Variants in SNTG2 observed in about 807,000 individuals in gnomAD.
SNTG2 encodes the protein gamma-2-syntrophin.
In SNTG2, 74 loss-of-function variants were observed where a neutral mutation model predicts 70.9. The ratio of observed to expected loss-of-function variants is 1.04; its 90% CI spans 0.86 to 1.27. The LOEUF (loss-of-function observed/expected upper bound fraction) is 1.27, where lower values mean the gene tolerates loss of function less well. Among genes scored for constraint, SNTG2 ranks in the 50% most tolerant of loss-of-function variants. The pLI, the probability that SNTG2 is intolerant of heterozygous loss-of-function variation, is 0.00. For missense variants in SNTG2, 717 were observed against 690.7 expected, an observed-to-expected ratio of 1.04 and a Z score of -0.43; for synonymous variants, 278 against 273.8, an observed-to-expected ratio of 1.02 and a Z score of -0.15.
intron 1 of SNTG2, among the ~76,000 whole-genome samples, chr2:983,278 A>G (rs1184834875): frequency 1.3e-5 from 1 of 79,860 alleles, no homozygotes; most frequent in African/African-American, 5.1e-5. Flanking sequence ...GATGAAGCAG[A>G]GGCTCTCTTC....
At chr2:1,249,316 C>CT (rs1004648811) in intron 12 of SNTG2, among the ~76,000 whole-genome samples, 7 of 151,482 alleles carry the variant, frequency 4.6e-5, no homozygotes, top group Non-Finnish European at 8.8e-5. Flanking sequence ...CATTCACTTG[C>CT]TTTTTTTTTC....
chr2:975,379 G>A (rs1003022377), intron 1 of SNTG2, among the ~76,000 whole-genome samples: 1 of 151,238 alleles, frequency 6.6e-6, no homozygotes, highest in South Asian at 2.1e-4. Flanking sequence ...CAAACAACAC[G>A]TGCTTGCACT....
At chr2:1,017,548 GAC>G (rs35969039) in intron 1 of SNTG2, among the ~76,000 whole-genome samples, 55,539 of 151,778 alleles carry the variant, frequency 0.37, 10,997 homozygotes, top group Middle Eastern at 0.52. Context: ...CACAGGCAGG[GAC>G]ACACACACAC....
At position 1,094,933 on chromosome 2, in the gene SNTG2, A is replaced by G. The variant is rs11899752; in HGVS notation, c.211-3263A>G. Among the ~76,000 whole-genome samples the G allele has an allele frequency of 6.4e-4, 55 of 85,918 alleles. No homozygotes were observed. In the East Asian group the frequency reaches 9.5e-3, roughly 15 times the overall value. The allele number at this position is 85,918 out of a possible 152,430, so 56.4% of individuals were successfully genotyped here. On this transcript the variant is annotated intron_variant, in intron 2 of 16. Transcript: ENST00000308624. ...TTACTGGCAAGGGCTGGCTTCCTGGACTGCAGGCGAAGGCCTTATAGGTGT... is the reference window on the plus strand; with the variant it reads ...TTACTGGCAAGGGCTGGCTTCCTGGGCTGCAGGCGAAGGCCTTATAGGTGT...
At chr2:1,109,179 C>G (rs1374459409) in intron 4 of SNTG2, among the ~76,000 whole-genome samples, 1 of 151,830 alleles carries the variant, frequency 6.6e-6, no homozygotes, top group Non-Finnish European at 1.5e-5. Flanking sequence ...AAGCGGCTTG[C>G]GAAGTCCCCT....
intron 14 of SNTG2, among the ~76,000 whole-genome samples, chr2:1,273,962 A>G (rs1486484559): frequency 6.6e-6 from 1 of 152,256 alleles, no homozygotes; most frequent in Admixed American, 6.5e-5. Flanking sequence ...CAATGATTAG[A>G]AAAACAATAA....
Position 1,085,522 on chromosome 2 carries a change from ATG to A in SNTG2, c.210+1873_210+1874del, listed in dbSNP as rs1444492404. On this transcript the variant is annotated intron_variant, in intron 2 of 16. Transcript: ENST00000308624. The stretch of plus-strand genomic sequence containing the variant: ...TGGAGAAGACAACATTAACGGATAG[ATG>A]TGTGTTTTGTTTTCTTGAACCTGCT... Among the ~76,000 whole-genome samples, 10 of 152,226 alleles carry A rather than the reference ATG, an allele frequency of 6.6e-5. 1 individual carries two copies. The highest frequency in any genetic ancestry group is 2.4e-4 in the African/African-American group (10 of 41,452).
At chr2:1,359,873 G>A (rs1192073716) in intron 16 of SNTG2, among the ~76,000 whole-genome samples, 1 of 151,840 alleles carries the variant, frequency 6.6e-6, no homozygotes, top group Non-Finnish European at 1.5e-5. Context: ...TTAGAATGCT[G>A]CCTTTCTGTA....
Position 1,256,047 on chromosome 2 carries a change from G to A in SNTG2, c.1006-3323G>A, listed in dbSNP as rs1320915412. 2.0e-5 allele frequency among the ~76,000 whole-genome samples: 3 copies of A among 150,530 alleles called. No homozygotes were observed. The Admixed American group carries it at 2.0e-4, about 10-fold the overall frequency. ...TGCACAGTTAGGCAATTTTGTCGTT[G>A]TGCAAACATCATAGGGTGTATTTAC... On this transcript the variant is annotated intron_variant, in intron 12 of 16. Coordinates refer to ENST00000308624, the MANE Select transcript of SNTG2 (RefSeq NM_018968.4).
intron 15 of SNTG2, among the ~76,000 whole-genome samples, chr2:1,309,255 A>G (rs866049556): frequency 5.3e-5 from 8 of 152,202 alleles, no homozygotes; most frequent in Non-Finnish European, 1.2e-4. Context: ...CCCTTTACAA[A>G]ATAGAGCCCC....
Position 1,097,936 on chromosome 2 carries a change from G to A in SNTG2, c.211-260G>A, listed in dbSNP as rs1665501856. 1.3e-5 allele frequency among the ~76,000 whole-genome samples: 2 copies of A among 151,842 alleles called. No homozygotes were observed. ...CTCACAAGCAGAATGCAGACGGGATGACAGTTCTGTGGGGATTCTTCCTGG... is the reference window on the plus strand; with the variant it reads ...CTCACAAGCAGAATGCAGACGGGATAACAGTTCTGTGGGGATTCTTCCTGG... On this transcript the variant is annotated intron_variant, in intron 2 of 16. Transcript: ENST00000308624. The surrounding 1 kb of genome is among the most constrained non-coding windows in gnomAD (Gnocchi z 4.1).
At chr2:997,259 G>A (rs368730130) in intron 1 of SNTG2, among the ~76,000 whole-genome samples, 10 of 152,176 alleles carry the variant, frequency 6.6e-5, no homozygotes, top group African/African-American at 1.2e-4. Context: ...CTCTAAGCAC[G>A]TGGCTTATGA....
At chr2:1,204,721 A>T (rs924490486) in intron 8 of SNTG2, among the ~76,000 whole-genome samples, 1 of 152,212 alleles carries the variant, frequency 6.6e-6, no homozygotes, top group African/African-American at 2.4e-5. Flanking sequence ...AGCAGTTGTT[A>T]ATCTCTTACG....
At chr2:1,144,165 G>A (rs1004064808) in intron 6 of SNTG2, among the ~76,000 whole-genome samples, 3 of 151,988 alleles carry the variant, frequency 2.0e-5, no homozygotes, top group Non-Finnish European at 4.4e-5. Context: ...CTCTCACCCC[G>A]AGACATATGG....
chr2:950,974 C>T lies in SNTG2; in HGVS notation c.-23C>T. 1 of 1,215,172 alleles carries T rather than the reference C, an allele frequency of 8.2e-7. No homozygotes were observed. The highest frequency in any genetic ancestry group is 3.3e-5 in the East Asian group (1 of 30,604). 75.3% of individuals were successfully genotyped at this position (1,215,172 alleles called of 1,614,324 possible). A position where few individuals can be genotyped will look rare whatever the true frequency, so the allele number is the denominator to read the frequency against. On this transcript the variant is annotated 5_prime_UTR_variant, in exon 1 of 17. Coordinates refer to ENST00000308624, the MANE Select transcript of SNTG2 (RefSeq NM_018968.4). ...CGTTGAGCTCGGCCGGCCCGGAGCG[C>T]GGACCCAGCCGCAGGGGCGGCGATG...
chr2:1,058,529 C>T (rs1662610893), intron 1 of SNTG2, among the ~76,000 whole-genome samples: 2 of 152,198 alleles, frequency 1.3e-5, no homozygotes, highest in African/African-American at 4.8e-5. Context: ...TATAATTCCA[C>T]AATACCTGTT....
intron 8 of SNTG2, among the ~76,000 whole-genome samples, chr2:1,196,561 T>G (rs911850020): frequency 6.6e-6 from 1 of 152,162 alleles, no homozygotes; most frequent in Non-Finnish European, 1.5e-5. Flanking sequence ...AAAGGTCTTC[T>G]TCATCGTATA....
At chr2:1,126,807 A>T (rs1234849857) in intron 4 of SNTG2, among the ~76,000 whole-genome samples, 1 of 152,032 alleles carries the variant, frequency 6.6e-6, no homozygotes, top group Non-Finnish European at 1.5e-5. Flanking sequence ...CATACTTTTC[A>T]GTAGGATTAT....
At chr2:1,282,753 C>A (rs1264956890) in intron 14 of SNTG2, among the ~76,000 whole-genome samples, 2 of 151,424 alleles carry the variant, frequency 1.3e-5, no homozygotes, top group East Asian at 4.0e-4. Flanking sequence ...CACCCCCGCC[C>A]CCACGTCAGT....
Sources: gnomAD v4.1 joint callset for allele counts (sites outside exome capture counted in the v4.1 genomes callset) on GRCh38, gnomAD v4.1.1 for gene constraint, Gnocchi (gnomAD v3.1) non-coding constraint, MANE v1.5 for transcripts, NCBI Gene and HGNC (gene_info 2026-07-23, HGNC 2026-07-21) for gene names.